DENND2B: variants seen among roughly 807,000 people sequenced by gnomAD.
DENND2B encodes the protein DENN domain containing 2B.
In DENND2B, 32 loss-of-function variants were observed where a neutral mutation model predicts 116.0. The ratio of observed to expected loss-of-function variants is 0.28; its 90% CI spans 0.21 to 0.37. The LOEUF is 0.37. Among genes scored for constraint, DENND2B ranks in the 10% least tolerant of loss-of-function variants. The pLI, the probability that DENND2B is intolerant of heterozygous loss-of-function variation, is 1.00. For missense variants in DENND2B, 1,276 were observed against 1,477.7 expected (o/e 0.86, Z 2.24); for synonymous variants, 588 against 583.9 (o/e 1.01, Z -0.10).
chr11:8,890,578 G>C (rs1283346110), intron 1 of DENND2B, among the ~76,000 whole-genome samples: 3 of 152,186 alleles, frequency 2.0e-5, no homozygotes, highest in Admixed American at 1.3e-4. Flanking sequence ...CATGGCATGA[G>C]AACTACGTGA....
upstream of DENND2B, among the ~76,000 whole-genome samples, chr11:8,814,720 G>T (rs1158661732): frequency 6.6e-6 from 1 of 152,122 alleles, no homozygotes; most frequent in Non-Finnish European, 1.5e-5. Flanking sequence ...CTTAGGATAC[G>T]AACCTTGACT....
chr11:8,720,978 G>A (rs895199364), intron 4 of DENND2B, among the ~76,000 whole-genome samples: 1 of 152,088 alleles, frequency 6.6e-6, no homozygotes, highest in Admixed American at 6.5e-5. Context: ...ATTTCTACCT[G>A]CATTCCTGCC....
chr11:8,710,870 C>A lies in DENND2B; in HGVS notation c.2327G>T (p.Arg776Leu). 6.2e-7 allele frequency: 1 copy of A among 1,613,964 alleles called. No individual in the cohort carries two copies. The change falls in exon 11 of 20, where the codon CGC becomes CTC. Residue 776 changes from arginine (R) to leucine (L), a missense_variant. Physicochemically the swap from Arg to Leu is moderately radical, Grantham distance 102 (BLOSUM62 -2). Coordinates refer to ENST00000313726, the MANE Select transcript of DENND2B (RefSeq NM_213618.2). ...FMLTGEDGSR[R>L]FGYCRRLLPS... ...CAGTAAGCGCCTGCAGTAGCCAAAG[C>A]GTCTGCTGCCATCTTCCCCAGTCAG... is the stretch of plus-strand genomic sequence containing the variant.
intron 1 of DENND2B, chr11:8,810,234 T>A (rs1482380420): frequency 1.3e-5 from 2 of 152,064 alleles, no homozygotes; most frequent in Admixed American, 6.6e-5. Flanking sequence ...TGTAAAAATA[T>A]CCTGTGCCTT....
chr11:8,903,300 T>C (rs113422971), intron 1 of DENND2B, among the ~76,000 whole-genome samples: 19 of 152,080 alleles, frequency 1.2e-4, no homozygotes, highest in Non-Finnish European at 2.1e-4. Flanking sequence ...GTAATCCCTG[T>C]TACTTGGGTG....
chr11:8,772,970 C>A (rs2057150132), intron 1 of DENND2B, among the ~76,000 whole-genome samples: 1 of 152,108 alleles, frequency 6.6e-6, no homozygotes, highest in Non-Finnish European at 1.5e-5. Flanking sequence ...GCTGTTTATC[C>A]CTCTTCTCAT....
chr11:8,746,228 AC>A (rs1276778501), intron 2 of DENND2B, among the ~76,000 whole-genome samples: 1 of 152,130 alleles, frequency 6.6e-6, no homozygotes, highest in Non-Finnish European at 1.5e-5. Context: ...GATCTAAGGC[AC>A]AGGGTCCAAA....
intron 1 of DENND2B, among the ~76,000 whole-genome samples, chr11:8,806,921 C>A (rs200909342): frequency 8.5e-6 from 1 of 118,286 alleles, no homozygotes; most frequent in Non-Finnish European, 1.8e-5. Flanking sequence ...TTTTTTTTTT[C>A]TTTTTCTTTT....
chr11:8,712,438 A>G lies in DENND2B; in HGVS notation c.2172+113T>C, dbSNP rs1592559905. On this transcript the variant is annotated intron_variant, in intron 9 of 19. Coordinates refer to ENST00000313726, the MANE Select transcript of DENND2B (RefSeq NM_213618.2). The surrounding 1 kb of genome is among the most constrained non-coding windows in gnomAD (Gnocchi z 4.4). ...GAGGAGGCAGGTTCAGGGCTGTGGC[A>G]GCTCGGTGAGGACGTATGACGAACA... is the stretch of plus-strand genomic sequence containing the variant. 7.3e-6 allele frequency: 9 copies of G among 1,240,628 alleles called. No individual in the cohort carries two copies. Among genetic ancestry groups the G allele is most frequent in the Non-Finnish European group, 9.9e-6 (9 of 908,200 alleles). The allele number at this position is 1,240,628 out of a possible 1,614,324, so 76.9% of individuals were successfully genotyped here. A position where few individuals can be genotyped will look rare whatever the true frequency, so the allele number is the denominator to read the frequency against.
At chr11:8,845,723 G>C (rs1430695893) in intron 3 of DENND2B, among the ~76,000 whole-genome samples, 1 of 152,202 alleles carries the variant, frequency 6.6e-6, no homozygotes, top group Admixed American at 6.5e-5. Context: ...CCTTTGGAAA[G>C]GGGACATAGA....
At chr11:8,727,863 A>G (rs1256839269) in intron 3 of DENND2B, among the ~76,000 whole-genome samples, 1 of 150,840 alleles carries the variant, frequency 6.6e-6, no homozygotes, top group African/African-American at 2.4e-5. Context: ...GAGGACCAAC[A>G]TGCTGTCTCT....
chr11:8,729,650 C>G (rs1291411255), intron 3 of DENND2B, among the ~76,000 whole-genome samples: 1 of 152,200 alleles, frequency 6.6e-6, no homozygotes, highest in Non-Finnish European at 1.5e-5. Flanking sequence ...ACTGAGGAAG[C>G]TACAACAGGG....
At chr11:8,810,868 A>T (rs941132046), upstream of DENND2B, 1 of 152,904 alleles carries the variant, frequency 6.5e-6, no homozygotes, top group Admixed American at 6.6e-5. Flanking sequence ...ATGAAACAGC[A>T]CTGTCTTTTG....
chr11:8,803,563 G>A (rs926504645), intron 1 of DENND2B, among the ~76,000 whole-genome samples: 1 of 152,186 alleles, frequency 6.6e-6, no homozygotes, highest in Non-Finnish European at 1.5e-5. Flanking sequence ...ACTTTCTACC[G>A]CTATATGTAG....
intron 1 of DENND2B, among the ~76,000 whole-genome samples, chr11:8,894,102 C>A (rs541747282): frequency 6.6e-6 from 1 of 152,140 alleles, no homozygotes; most frequent in East Asian, 1.9e-4. Context: ...CAGACATCTA[C>A]AACCATCTGA....
At chr11:8,843,963 C>CAT (rs1280668417) in intron 3 of DENND2B, among the ~76,000 whole-genome samples, 1 of 152,230 alleles carries the variant, frequency 6.6e-6, no homozygotes, top group African/African-American at 2.4e-5. Context: ...ACATCTGTAT[C>CAT]ATACTCCATT....
chr11:8,709,350 G>C (rs765294291), intron 11 of DENND2B, among the ~76,000 whole-genome samples: 1 of 152,138 alleles, frequency 6.6e-6, no homozygotes, highest in Admixed American at 6.5e-5. Flanking sequence ...TGCCGAGCTA[G>C]TGCCAGCCCC....
intron 1 of DENND2B, among the ~76,000 whole-genome samples, chr11:8,775,371 G>GGGAGCAGTCAGTGCT (rs1323180088): frequency 3.1e-4 from 47 of 152,294 alleles, no homozygotes; most frequent in Middle Eastern, 3.4e-3. Flanking sequence ...GTCCAAATAA[G>GGGAGCAGTCAGTGCT]GGAGCAGTCA....
At position 8,824,910 on chromosome 11, in the gene DENND2B, G is replaced by A. The variant is rs960318063; in HGVS notation, c.-114-13575C>T. 2.0e-5 allele frequency among the ~76,000 whole-genome samples: 3 copies of A among 150,228 alleles called. No individual in the cohort carries two copies. In the Admixed American group the frequency reaches 2.0e-4, roughly 10 times the overall value. Reference sequence around the variant, plus strand: ...GACACGGTTTCGCCATGTTGGCCAGGCTGGTCTCGAACTCCTGACCTCAAG... The same window carrying A: ...GACACGGTTTCGCCATGTTGGCCAGACTGGTCTCGAACTCCTGACCTCAAG... On this transcript the variant is annotated intron_variant, in intron 4 of 6. Transcript: ENST00000524757.
Sources: allele counts gnomAD v4.1 joint callset (sites outside exome capture counted in the v4.1 genomes callset), GRCh38; gene constraint gnomAD v4.1.1; non-coding constraint Gnocchi (gnomAD v3.1); transcripts MANE v1.5; gene names NCBI Gene and HGNC (gene_info 2026-07-23, HGNC 2026-07-21).